Variants in HTR2B observed in about 807,000 individuals in gnomAD.
The protein encoded by HTR2B is 5-HT 2B receptor.
Under a neutral mutation model 39.8 loss-of-function variants are expected in HTR2B, and 31 were observed. The observed-to-expected ratio is 0.78, with a 90% CI of 0.58 to 1.05. HTR2B has a LOEUF of 1.05. Ranked by LOEUF, HTR2B falls within the 50% of genes least tolerant of loss-of-function variation. The pLI is 0.00. For missense variants in HTR2B, 562 were observed against 578.0 expected (o/e 0.97, Z 0.28); for synonymous variants, 210 against 207.1 (o/e 1.01, Z -0.12).
intron 1 of HTR2B, among the ~76,000 whole-genome samples, chr2:231,124,397 G>A (rs771155902): frequency 9.9e-5 from 15 of 151,804 alleles, no homozygotes; most frequent in Non-Finnish European, 1.5e-4. Flanking sequence ...TAGAAAAGTC[G>A]AAACACAATA....
chr2:231,123,574 A>G lies in HTR2B; in HGVS notation c.191T>C (p.Val64Ala). Residue 64 changes from valine to alanine, a missense_variant, in exon 2 of 4, where the codon GTG (valine) becomes GCG (alanine). By Grantham distance (64) the Val-to-Ala change is moderately conservative. Coordinates refer to ENST00000258400, the MANE Select transcript of HTR2B (RefSeq NM_000867.5). ...LHWAALLILM[V>A]IIPTIGGNTL... is the part of the protein sequence containing the mutation. ...ATTTCCACCAATTGTGGGTATTATC[A>G]CCATGAGTATCAGAAGAGCTGCCCA... The G allele has an allele frequency of 6.2e-7, 1 of 1,614,114 alleles. No individual in the cohort carries two copies. Among genetic ancestry groups the G allele is most frequent in the Non-Finnish European group, 8.5e-7 (1 of 1,179,962 alleles).
intron 3 of HTR2B, among the ~76,000 whole-genome samples, chr2:231,112,783 C>T (rs1234969696): frequency 6.6e-6 from 1 of 152,048 alleles, no homozygotes; most frequent in African/African-American, 2.4e-5. Flanking sequence ...GGCCGTAAGA[C>T]GATTTAGAAG....
At chr2:231,110,938 C>T (rs1158586146) in intron 3 of HTR2B, among the ~76,000 whole-genome samples, 2 of 152,200 alleles carry the variant, frequency 1.3e-5, no homozygotes, top group Non-Finnish European at 2.9e-5. Context: ...CCTGCTTTAC[C>T]CTGTTACTTT....
chr2:231,122,756 G>A (rs996728484), intron 2 of HTR2B, among the ~76,000 whole-genome samples: 1 of 151,948 alleles, frequency 6.6e-6, no homozygotes, highest in Non-Finnish European at 1.5e-5. Context: ...TACCAACTTA[G>A]AGGCCTATCA....
At chr2:231,112,511 T>G (rs1259381620) in intron 3 of HTR2B, among the ~76,000 whole-genome samples, 1 of 152,254 alleles carries the variant, frequency 6.6e-6, no homozygotes, top group Non-Finnish European at 1.5e-5. Flanking sequence ...AATATGAAGG[T>G]CAATCTCATT....
chr2:231,112,840 C>T (rs535229646), intron 3 of HTR2B, among the ~76,000 whole-genome samples: 2 of 152,230 alleles, frequency 1.3e-5, no homozygotes, highest in African/African-American at 4.8e-5. Flanking sequence ...GGTATGTTTT[C>T]TTTGCATCTC....
At chr2:231,116,271 T>C (rs1695328231) in intron 2 of HTR2B, among the ~76,000 whole-genome samples, 1 of 152,102 alleles carries the variant, frequency 6.6e-6, no homozygotes, top group African/African-American at 2.4e-5. Context: ...AGGGTACATC[T>C]TGAGCTGAAG....
At chr2:231,113,987 T>C in intron 2 of HTR2B, 58 bp from the exon 3 acceptor site, 4 of 1,412,360 alleles carry the variant, frequency 2.8e-6, no homozygotes, top group Non-Finnish European at 4.0e-6. Context: ...ACTTTCAGTC[T>C]ACAGTTTTTC....
At position 231,113,777 on chromosome 2, in the gene HTR2B, G is replaced by A. The variant is rs181580625; in HGVS notation, c.505C>T (p.Arg169Trp). 36 of 1,613,966 alleles carry A rather than the reference G, an allele frequency of 2.2e-5. No individual in the cohort carries two copies. In the Middle Eastern group the frequency reaches 6.6e-4, roughly 29 times the overall value. The change falls in exon 3 of 4, where the codon CGG becomes TGG. Residue 169 changes from arginine to tryptophan, a missense_variant. Physicochemically the swap from Arg to Trp is moderately radical, Grantham distance 101. Transcript: ENST00000258400. The stretch of plus-strand genomic sequence containing the variant: ...GTAATCTTGATGAATGCTGTAGCCC[G>A]TGAGTTATATTGATTGGCCTGGATT... ...KPIQANQYNS[R>W]ATAFIKITVV... is the part of the protein sequence containing the mutation.
intron 2 of HTR2B, among the ~76,000 whole-genome samples, chr2:231,116,348 T>G (rs984126350): frequency 6.6e-6 from 1 of 152,162 alleles, no homozygotes; most frequent in Non-Finnish European, 1.5e-5. Flanking sequence ...TCAGAGATAT[T>G]GATTGCAGTT....
intron 3 of HTR2B, among the ~76,000 whole-genome samples, chr2:231,113,243 A>G (rs1011886547): frequency 5.3e-5 from 8 of 152,214 alleles, no homozygotes; most frequent in Non-Finnish European, 1.0e-4. Context: ...ATGTACAGAA[A>G]TGTTGGCTTC....
intron 2 of HTR2B, among the ~76,000 whole-genome samples, chr2:231,122,459 A>G (rs1695578698): frequency 6.6e-6 from 1 of 152,132 alleles, no homozygotes; most frequent in Non-Finnish European, 1.5e-5. Flanking sequence ...TATAATTCTA[A>G]GAAACTATAT....
Position 231,109,221 on chromosome 2 carries a change from C to T in HTR2B, c.742G>A (p.Ala248Thr). 1 of 1,614,152 alleles carries T rather than the reference C, an allele frequency of 6.2e-7. No individual in the cohort carries two copies. Among genetic ancestry groups the T allele is most frequent in the Non-Finnish European group, 8.5e-7 (1 of 1,180,024 alleles). Residue 248 changes from alanine to threonine, a missense_variant, in exon 4 of 4, where the codon GCT becomes ACT. Ala to Thr is a moderately conservative substitution (Grantham distance 58). Transcript: ENST00000258400. Reference protein sequence around the residue: ...FLTIHALQKKAYLVKNKPPQR... With the variant: ...FLTIHALQKKTYLVKNKPPQR... ...GGTGGCTTGTTTTTGACTAAGTAAG[C>T]CTTCTTCTGTAAAGCATGGATAGTG...
chr2:231,115,988 C>T (rs1695317945), intron 2 of HTR2B, among the ~76,000 whole-genome samples: 1 of 152,022 alleles, frequency 6.6e-6, no homozygotes, highest in Non-Finnish European at 1.5e-5. Flanking sequence ...AAAAGATGCA[C>T]CTAAGTTTCC....
intron 1 of HTR2B, among the ~76,000 whole-genome samples, 179 bp from the exon 2 acceptor site, chr2:231,124,309 A>G (rs1469775311): frequency 2.6e-5 from 4 of 152,198 alleles, no homozygotes; most frequent in Non-Finnish European, 5.9e-5. Context: ...AAGACACATT[A>G]ATTTTTTCAA....
chr2:231,113,666 TCTC>T (rs1357017487), intron 3 of HTR2B, 60 bp downstream of exon 3: 2 of 1,427,942 alleles, frequency 1.4e-6, no homozygotes, highest in Admixed American at 1.7e-5. Context: ...GACCTGGTAT[TCTC>T]CTAGCCAAGT....
Position 231,108,547 on chromosome 2 carries a change from G to C in HTR2B, c.1416C>G (p.Asp472Glu). 1 of 1,613,742 alleles carries C rather than the reference G, an allele frequency of 6.2e-7. No individual in the cohort carries two copies. The highest frequency in any genetic ancestry group is 8.5e-7 in the Non-Finnish European group (1 of 1,179,892). Residue 472 changes from aspartate to glutamate, a missense_variant, in exon 4 of 4, where the codon GAC becomes GAG. Physicochemically the swap from Asp to Glu is conservative, Grantham distance 45. Coordinates refer to ENST00000258400, the MANE Select transcript of HTR2B (RefSeq NM_000867.5). ...DTLLLTENEG[D>E]KTEEQVSYV ...CATAACTAACTTGCTCTTCAGTTTT[G>C]TCACCTTCATTTTCAGTGAGGAGAA...
chr2:231,113,951 C>A (rs1409302832), intron 2 of HTR2B, 22 bp from the exon 3 acceptor site: 6 of 1,600,868 alleles, frequency 3.7e-6, no homozygotes, highest in Non-Finnish European at 5.1e-6. Context: ...AAAAACAAGA[C>A]AAACATTTTA....
intron 2 of HTR2B, among the ~76,000 whole-genome samples, chr2:231,119,988 C>T (rs1243958097): frequency 1.3e-5 from 2 of 150,394 alleles, no homozygotes; most frequent in Non-Finnish European, 3.0e-5. Context: ...AGCCTCACCC[C>T]GTCACCCAGG....
Sources: allele counts gnomAD v4.1 joint callset (sites outside exome capture counted in the v4.1 genomes callset), GRCh38; gene constraint gnomAD v4.1.1; transcripts MANE v1.5; gene names NCBI Gene and HGNC (gene_info 2026-07-23, HGNC 2026-07-21).